USP6NL: variants seen among roughly 807,000 people sequenced by gnomAD.
USP6NL encodes USP6 N-terminal like.
USP6NL carries 26 observed loss-of-function variants against 61.9 expected under a neutral mutation model. That is an observed-to-expected ratio of 0.42 (90% CI 0.31 to 0.58). USP6NL has a LOEUF of 0.58. Ranked by LOEUF, USP6NL falls within the 20% of genes least tolerant of loss-of-function variation. USP6NL has a pLI of 0.16. For synonymous variants in USP6NL, 432 were observed against 390.1 expected, an observed-to-expected ratio of 1.11 and a Z score of -1.27; for missense variants, 1,114 against 1,034.3, an observed-to-expected ratio of 1.08 and a Z score of -1.06.
chr10:11,600,689 G>T lies in USP6NL; in HGVS notation c.-83-2972C>A, dbSNP rs1056230474. On this transcript the variant is annotated intron_variant, in intron 1 of 14. Transcript: ENST00000609104. The surrounding 1 kb of genome is among the most constrained non-coding windows in gnomAD (Gnocchi z 4.1). ...AATAAGCATTAAAAATGTTTATCAG[G>T]CTGGGCACGGTGGCTCACGCCTGTA... Among the ~76,000 whole-genome samples the T allele has an allele frequency of 2.0e-5, 3 of 152,112 alleles. No individual in the cohort carries two copies. The highest frequency in any genetic ancestry group is 7.2e-5 in the African/African-American group (3 of 41,410).
Position 11,465,357 on chromosome 10 carries a change from G to A in USP6NL, c.1079-1508C>T, listed in dbSNP as rs879942302. 3.3e-5 allele frequency among the ~76,000 whole-genome samples: 5 copies of A among 152,080 alleles called. No individual in the cohort carries two copies. The highest frequency in any genetic ancestry group is 1.2e-4 in the African/African-American group (5 of 41,412). On this transcript the variant is annotated intron_variant, in intron 14 of 14. Coordinates refer to ENST00000609104, the MANE Select transcript of USP6NL (RefSeq NM_014688.5). The surrounding 1 kb of genome is among the most constrained non-coding windows in gnomAD (Gnocchi z 4.5). ...CATTAAAGAAAAGGAAAACTGTGAC[G>A]CCCAGAGTGGTGAATGCATGCCTGA...
At chr10:11,555,433 A>AAAAAAAAAAAATATATATAT (rs1275798295) in intron 2 of USP6NL, among the ~76,000 whole-genome samples, 1 of 49,022 alleles carries the variant, frequency 2.0e-5, no homozygotes, top group African/African-American at 9.4e-5. Context: ...AAAAAAAAAA[A>AAAAAAAAAAAATATATATAT]ATATATATAT....
In USP6NL at chr10:11,595,902, T is replaced by C. The variant is rs1374996123; in HGVS notation, c.4+1729A>G. 6.6e-6 allele frequency among the ~76,000 whole-genome samples: 1 copy of C among 152,212 alleles called. No homozygotes were observed. The highest frequency in any genetic ancestry group is 6.5e-5 in the Admixed American group (1 of 15,280). ...TGGATTAGTGGATATAAAGAACCAG[T>C]TAAAAATCTTGCAAATGAAATATAA... On this transcript the variant is annotated intron_variant, in intron 2 of 14. Coordinates refer to ENST00000609104, the MANE Select transcript of USP6NL (RefSeq NM_014688.5). The surrounding 1 kb of genome is among the most constrained non-coding windows in gnomAD (Gnocchi z 5.3).
Position 11,468,943 on chromosome 10 carries a change from A to G in USP6NL, c.1079-5094T>C, listed in dbSNP as rs1389003242. Among the ~76,000 whole-genome samples, 1 of 152,234 alleles carries G rather than the reference A, an allele frequency of 6.6e-6. No homozygotes were observed. The highest frequency in any genetic ancestry group is 1.5e-5 in the Non-Finnish European group (1 of 68,030). ...GTGTCATACATACGTAGGAGATTTA[A>G]TTTTTTAATATAAGGAGTAAGAAAA... On this transcript the variant is annotated intron_variant, in intron 14 of 14. Coordinates refer to ENST00000609104, the MANE Select transcript of USP6NL (RefSeq NM_014688.5). This position sits in a 1 kb window ranked among gnomAD's most constrained non-coding sequence, Gnocchi z 4.5.
At chr10:11,483,214 C>T (rs1833278627) in intron 13 of USP6NL, among the ~76,000 whole-genome samples, 1 of 151,960 alleles carries the variant, frequency 6.6e-6, no homozygotes, top group Admixed American at 6.5e-5. Context: ...TACACAGCAG[C>T]AGATTTGTCC....
At chr10:11,505,030 G>A (rs1243061921) in intron 6 of USP6NL, among the ~76,000 whole-genome samples, 1 of 152,212 alleles carries the variant, frequency 6.6e-6, no homozygotes, top group Non-Finnish European at 1.5e-5. Context: ...AAGTTGCTGG[G>A]GTGAGCGCCA....
chr10:11,515,094 C>A (rs776370267), intron 5 of USP6NL, among the ~76,000 whole-genome samples: 1 of 152,190 alleles, frequency 6.6e-6, no homozygotes, highest in Non-Finnish European at 1.5e-5. Context: ...AAACTGGAAC[C>A]AATATCTTCT....
intron 2 of USP6NL, chr10:11,573,487 AGAAATG>A (rs1837433184): frequency 2.5e-6 from 1 of 394,874 alleles, no homozygotes; most frequent in African/African-American, 2.1e-5. Flanking sequence ...ATAATATATC[AGAAATG>A]CAAAAGCATA....
At chr10:11,590,676 C>T (rs957354641) in intron 2 of USP6NL, among the ~76,000 whole-genome samples, 2 of 151,970 alleles carry the variant, frequency 1.3e-5, no homozygotes, top group Admixed American at 6.6e-5. Context: ...AAGAAGAAAA[C>T]TGTAAAAATC....
At position 11,559,263 on chromosome 10, in the gene USP6NL, ATT is replaced by A. The variant is rs536119702; in HGVS notation, c.5-31698_5-31697del. Among the ~76,000 whole-genome samples the A allele has an allele frequency of 4.7e-4, 72 of 152,322 alleles. 1 individual carries two copies. The East Asian group carries it at 9.4e-3, about 20-fold the overall frequency. On this transcript the variant is annotated intron_variant, in intron 2 of 14. Transcript: ENST00000609104. ...TTAGGATGTTTAAATTAAAGGAAAT[ATT>A]TATTGACCCAAATAACAATTTCTAC...
At chr10:11,493,342 G>A in intron 7 of USP6NL, 114 bp from the exon 8 acceptor site, 1 of 842,282 alleles carries the variant, frequency 1.2e-6, no homozygotes, top group Non-Finnish European at 1.8e-6. Context: ...ATCACTCAAT[G>A]GTTAAAAAAA....
rs1835072651 is a variant in USP6NL, at chr10:11,518,714, A to C, written c.156-140T>G. On this transcript the variant is annotated intron_variant, in intron 4 of 14. Transcript: ENST00000609104. The surrounding 1 kb of genome is among the most constrained non-coding windows in gnomAD (Gnocchi z 5.3). ...ACATAGGCTTCCATTCATTGAATTC[A>C]ATATGAAATGATAGCTACTCTAGAA... 3.1e-6 allele frequency: 2 copies of C among 650,402 alleles called. No homozygotes were observed. The highest frequency in any genetic ancestry group is 2.6e-6 in the Non-Finnish European group (1 of 391,196). 40.3% of individuals were successfully genotyped at this position (650,402 alleles called of 1,614,324 possible). A position where few individuals can be genotyped will look rare whatever the true frequency, so the allele number is the denominator to read the frequency against.
At chr10:11,477,065 T>A (rs978352029) in intron 14 of USP6NL, among the ~76,000 whole-genome samples, 18 of 152,056 alleles carry the variant, frequency 1.2e-4, no homozygotes, top group African/African-American at 4.3e-4. Flanking sequence ...AGAGACAGGG[T>A]TTCATCACGT....
chr10:11,582,390 G>A (rs952408806), intron 2 of USP6NL, among the ~76,000 whole-genome samples: 4 of 152,146 alleles, frequency 2.6e-5, no homozygotes, highest in African/African-American at 7.2e-5. Context: ...CGTGAGCCAC[G>A]GTGCCCAGCC....
At position 11,528,987 on chromosome 10, in the gene USP6NL, T is replaced by C. The variant is rs1405714959; in HGVS notation, c.5-1420A>G. On this transcript the variant is annotated intron_variant, in intron 2 of 14. Coordinates refer to ENST00000609104, the MANE Select transcript of USP6NL (RefSeq NM_014688.5). The surrounding 1 kb of genome is among the most constrained non-coding windows in gnomAD (Gnocchi z 4.6). ...GATGCATGAAGCAGCAATACTGGCATGTTACCTAGCGCAATGGAGGCACAC... is the reference window on the plus strand; with the variant it reads ...GATGCATGAAGCAGCAATACTGGCACGTTACCTAGCGCAATGGAGGCACAC... 2.0e-5 allele frequency among the ~76,000 whole-genome samples: 3 copies of C among 152,142 alleles called. No individual in the cohort carries two copies. The highest frequency in any genetic ancestry group is 1.9e-4 in the East Asian group (1 of 5,192).
chr10:11,575,164 G>A lies in USP6NL; in HGVS notation c.4+22467C>T, dbSNP rs12357476. Among the ~76,000 whole-genome samples the A allele has an allele frequency of 0.11, 17,192 of 152,220 alleles. 1,287 individuals carry two copies. Among genetic ancestry groups the A allele is most frequent in the East Asian group, 0.16 (829 of 5,190 alleles). On this transcript the variant is annotated intron_variant, in intron 2 of 14. Coordinates refer to ENST00000609104, the MANE Select transcript of USP6NL (RefSeq NM_014688.5). This position sits in a 1 kb window ranked among gnomAD's most constrained non-coding sequence, Gnocchi z 4.2. ...AAAGTAAGAGTTCAGATGGGTCAAA[G>A]ACTAAGTTTTAAACCTCAAGTCAAA...
At chr10:11,569,952 C>A (rs1837299713) in intron 2 of USP6NL, among the ~76,000 whole-genome samples, 2 of 152,148 alleles carry the variant, frequency 1.3e-5, no homozygotes, top group Non-Finnish European at 2.9e-5. Flanking sequence ...ATTTTCTTGC[C>A]ATACTTAACA....
intron 2 of USP6NL, among the ~76,000 whole-genome samples, chr10:11,584,345 G>T (rs1837894383): frequency 6.6e-6 from 1 of 152,174 alleles, no homozygotes; most frequent in Admixed American, 6.5e-5. Context: ...TATTGCCAAA[G>T]AATTCACAAA....
chr10:11,572,055 T>C (rs1174491740), intron 2 of USP6NL, among the ~76,000 whole-genome samples: 3 of 151,758 alleles, frequency 2.0e-5, no homozygotes, highest in Non-Finnish European at 4.4e-5. Flanking sequence ...ATGAGATATA[T>C]CTATATATGA....
Sources: gnomAD v4.1 joint callset for allele counts (sites outside exome capture counted in the v4.1 genomes callset) on GRCh38, gnomAD v4.1.1 for gene constraint, Gnocchi (gnomAD v3.1) non-coding constraint, MANE v1.5 for transcripts, NCBI Gene and HGNC (gene_info 2026-07-23, HGNC 2026-07-21) for gene names.